ATRNL1: variants seen among roughly 807,000 people sequenced by gnomAD.
The protein encoded by ATRNL1 is attractin like 1.
A neutral mutation model predicts 182.7 loss-of-function variants in ATRNL1; 95 were observed. The observed-to-expected ratio is 0.52, with a 90% CI of 0.44 to 0.62. The LOEUF (loss-of-function observed/expected upper bound fraction) is 0.62, where lower values mean the gene tolerates loss of function less well. Ranked by LOEUF, ATRNL1 falls within the 20% of genes least tolerant of loss-of-function variation. The pLI is 0.00. For synonymous variants in ATRNL1, 576 were observed against 568.3 expected (o/e 1.01, Z -0.19); for missense variants, 1,471 against 1,679.5 (o/e 0.88, Z 2.17).
chr10:115,653,804 A>C (rs1201183254), intron 26 of ATRNL1, among the ~76,000 whole-genome samples: 2 of 152,192 alleles, frequency 1.3e-5, no homozygotes, highest in African/African-American at 4.8e-5. Flanking sequence ...ACAATCCTGC[A>C]CAGTGCCCTG....
chr10:115,268,472 T>C (rs1851701068), intron 13 of ATRNL1, 28 bp downstream of exon 13: 1 of 1,422,816 alleles, frequency 7.0e-7, no homozygotes, highest in African/African-American at 1.4e-5. Flanking sequence ...AATGGTGCTG[T>C]AGTTACAACA....
intron 26 of ATRNL1, among the ~76,000 whole-genome samples, chr10:115,583,993 C>T (rs537807262): frequency 1.3e-5 from 2 of 152,260 alleles, no homozygotes; most frequent in South Asian, 4.1e-4. Flanking sequence ...GCCTTTGCTG[C>T]TTCTATTGAG....
At chr10:115,864,469 TAG>T (rs1951388632) in intron 28 of ATRNL1, among the ~76,000 whole-genome samples, 1 of 152,218 alleles carries the variant, frequency 6.6e-6, no homozygotes, top group Non-Finnish European at 1.5e-5. Flanking sequence ...CACATTTGTA[TAG>T]TCAGAGTATC....
At chr10:115,429,879 A>T (rs902151814) in intron 21 of ATRNL1, among the ~76,000 whole-genome samples, 1 of 152,246 alleles carries the variant, frequency 6.6e-6, no homozygotes, top group African/African-American at 2.4e-5. Flanking sequence ...CATCCTGGCT[A>T]ACGCGTTGAA....
intron 20 of ATRNL1, among the ~76,000 whole-genome samples, chr10:115,406,822 A>G (rs556520427): frequency 2.4e-4 from 36 of 152,098 alleles, no homozygotes; most frequent in Non-Finnish European, 4.7e-4. Flanking sequence ...CTTTCATGCC[A>G]ATTTGTATGT....
chr10:115,696,176 C>T (rs1946553148), intron 26 of ATRNL1, among the ~76,000 whole-genome samples: 3 of 152,118 alleles, frequency 2.0e-5, no homozygotes, highest in African/African-American at 4.8e-5. Context: ...GGGATTACAG[C>T]GGGGGAGACA....
intron 27 of ATRNL1, among the ~76,000 whole-genome samples, chr10:115,743,265 T>C (rs1948192522): frequency 7.2e-6 from 1 of 138,632 alleles, no homozygotes; most frequent in South Asian, 2.3e-4. Context: ...ATACAACTCT[T>C]CTATATAATG....
intron 26 of ATRNL1, among the ~76,000 whole-genome samples, chr10:115,581,617 T>G (rs2769371): frequency 0.49 from 74,271 of 151,920 alleles, 19,300 homozygotes; most frequent in East Asian, 0.84. Flanking sequence ...TTCAAACTAT[T>G]GTAAAAAGAT....
chr10:115,140,278 A>G (rs886083532), intron 5 of ATRNL1, among the ~76,000 whole-genome samples: 2 of 152,220 alleles, frequency 1.3e-5, no homozygotes, highest in African/African-American at 4.8e-5. Flanking sequence ...GACAAAATCC[A>G]CACAATAAAG....
chr10:115,651,565 A>G (rs11197378), intron 26 of ATRNL1, among the ~76,000 whole-genome samples: 1,780 of 152,114 alleles, frequency 0.012, 36 homozygotes, highest in African/African-American at 0.04. Context: ...ATCCTACTTC[A>G]TGTTTGTTTA....
At chr10:115,904,672 T>A (rs1952449343) in intron 28 of ATRNL1, among the ~76,000 whole-genome samples, 1 of 152,174 alleles carries the variant, frequency 6.6e-6, no homozygotes, top group Non-Finnish European at 1.5e-5. Context: ...GTTGTAGAGA[T>A]CAAACAACCT....
chr10:115,864,531 A>G (rs1565445632), intron 28 of ATRNL1, among the ~76,000 whole-genome samples: 2 of 152,228 alleles, frequency 1.3e-5, no homozygotes, highest in Admixed American at 1.3e-4. Flanking sequence ...TAAATTTGTA[A>G]TAAAGAACCC....
chr10:115,881,248 T>C (rs754245066), intron 28 of ATRNL1, among the ~76,000 whole-genome samples: 65 of 152,358 alleles, frequency 4.3e-4, no homozygotes, highest in Non-Finnish European at 7.3e-4. Flanking sequence ...CTAGCTTTCA[T>C]TGCCTTTGAG....
At chr10:115,937,821 A>C (rs1555123248) in intron 28 of ATRNL1, among the ~76,000 whole-genome samples, 1 of 152,208 alleles carries the variant, frequency 6.6e-6, no homozygotes, top group Non-Finnish European at 1.5e-5. Context: ...GCAGTAAAAG[A>C]AGACAGATAG....
chr10:115,829,159 G>A (rs1274324898), intron 27 of ATRNL1, among the ~76,000 whole-genome samples: 1 of 151,916 alleles, frequency 6.6e-6, no homozygotes, highest in Non-Finnish European at 1.5e-5. Context: ...ATGCCACATA[G>A]CATTTGAGGG....
At chr10:115,528,381 T>C (rs1565133849) in intron 25 of ATRNL1, among the ~76,000 whole-genome samples, 1 of 152,112 alleles carries the variant, frequency 6.6e-6, no homozygotes, top group East Asian at 1.9e-4. Context: ...GATTTGTCCA[T>C]TTCACCTAGC....
At chr10:115,538,181 A>C (rs782321734) in intron 25 of ATRNL1, among the ~76,000 whole-genome samples, 13 of 152,238 alleles carry the variant, frequency 8.5e-5, no homozygotes, top group Non-Finnish European at 1.6e-4. Context: ...AGTTTTACAC[A>C]AACATAAGTT....
chr10:115,225,821 T>C (rs546187645), intron 9 of ATRNL1, among the ~76,000 whole-genome samples: 2 of 151,422 alleles, frequency 1.3e-5, no homozygotes, highest in Admixed American at 6.6e-5. Context: ...TTTAATGTGA[T>C]CCCAAACAAA....
At chr10:115,873,949 C>T (rs1330990073) in intron 28 of ATRNL1, among the ~76,000 whole-genome samples, 2 of 152,134 alleles carry the variant, frequency 1.3e-5, no homozygotes, top group African/African-American at 4.8e-5. Context: ...GCTGGAATGG[C>T]TAATGACAAG....
Sources: gnomAD v4.1 joint callset for allele counts (sites outside exome capture counted in the v4.1 genomes callset) on GRCh38, gnomAD v4.1.1 for gene constraint, MANE v1.5 for transcripts, NCBI Gene and HGNC (gene_info 2026-07-23, HGNC 2026-07-21) for gene names.